FARP1: variants seen among roughly 807,000 people sequenced by gnomAD.
FARP1 encodes the protein FERM, ARHGEF and pleckstrin domain-containing protein 1.
A neutral mutation model predicts 128.8 loss-of-function variants in FARP1; 52 were observed. The observed-to-expected ratio is 0.40, with a 90% CI of 0.32 to 0.51. The LOEUF (loss-of-function observed/expected upper bound fraction) is 0.51, where lower values mean the gene tolerates loss of function less well. Ranked by LOEUF, FARP1 falls within the 20% of genes least tolerant of loss-of-function variation. The probability of loss-of-function intolerance (pLI) is 0.45; values close to 1 mark genes in which losing one functional copy is unlikely to be tolerated. For synonymous variants in FARP1, 580 were observed against 551.8 expected (o/e 1.05, Z -0.72); for missense variants, 1,333 against 1,367.9 (o/e 0.97, Z 0.40).
intron 12 of FARP1, 100 bp downstream of exon 12, chr13:98,393,818 C>T: frequency 1.1e-6 from 1 of 875,034 alleles, no homozygotes. Context: ...CTGTCCTTTC[C>T]TTTGGGGTTT....
At chr13:98,257,980 A>G (rs1883689654) in intron 2 of FARP1, among the ~76,000 whole-genome samples, 1 of 151,990 alleles carries the variant, frequency 6.6e-6, no homozygotes. Context: ...TGATATATAT[A>G]ATTTTTTTTT....
At chr13:98,325,774 T>C (rs765792810) in intron 2 of FARP1, among the ~76,000 whole-genome samples, 1 of 152,242 alleles carries the variant, frequency 6.6e-6, no homozygotes, top group Non-Finnish European at 1.5e-5. Flanking sequence ...AAGAAAGTCT[T>C]TGTGGCTGAG....
At chr13:98,362,199 G>A (rs1237311443) in intron 3 of FARP1, among the ~76,000 whole-genome samples, 1 of 152,204 alleles carries the variant, frequency 6.6e-6, no homozygotes, top group Non-Finnish European at 1.5e-5. Flanking sequence ...GGGAAGTTGA[G>A]GCTGCGCCAC....
intron 2 of FARP1, among the ~76,000 whole-genome samples, chr13:98,252,818 C>T (rs371478007): frequency 1.3e-5 from 2 of 152,270 alleles, no homozygotes; most frequent in East Asian, 3.9e-4. Flanking sequence ...TTCAAGTCAG[C>T]GACCCAGTGA....
chr13:98,452,616 ACT>A lies in FARP1; in HGVS notation c.*4301_*4302del, dbSNP rs1229243547. 1 of 152,674 alleles carries A rather than the reference ACT, an allele frequency of 6.5e-6. No individual in the cohort carries two copies. The highest frequency in any genetic ancestry group is 1.5e-5 in the Non-Finnish European group (1 of 68,110). The allele number at this position is 152,674 out of a possible 1,614,324, so 9.5% of individuals were successfully genotyped here. On this transcript the variant is annotated 3_prime_UTR_variant, in exon 27 of 27. Coordinates refer to ENST00000319562, the MANE Select transcript of FARP1 (RefSeq NM_005766.4). ...ACATGTAATAAAGGCAAGGCAATAGACTCAAGTTATGGCCTGTCGAATATTTA... is the reference window on the plus strand; with the variant it reads ...ACATGTAATAAAGGCAAGGCAATAGACAAGTTATGGCCTGTCGAATATTTA...
At chr13:98,312,709 T>C (rs1252652095) in intron 2 of FARP1, among the ~76,000 whole-genome samples, 3 of 151,954 alleles carry the variant, frequency 2.0e-5, no homozygotes, top group African/African-American at 7.3e-5. Context: ...TAAGAAAAAA[T>C]TTGAAGCATC....
chr13:98,358,165 T>G (rs1172600517), intron 3 of FARP1, among the ~76,000 whole-genome samples: 5 of 151,422 alleles, frequency 3.3e-5, no homozygotes, highest in African/African-American at 1.2e-4. Flanking sequence ...ATCTCTCTAC[T>G]CCCTGGTACT....
intron 2 of FARP1, among the ~76,000 whole-genome samples, chr13:98,336,290 C>T (rs1467626513): frequency 6.6e-6 from 1 of 152,004 alleles, no homozygotes; most frequent in African/African-American, 2.4e-5. Context: ...CTTACTCTGT[C>T]GCCCGGGCTG....
chr13:98,422,123 C>T (rs1362053179), intron 16 of FARP1, among the ~76,000 whole-genome samples: 1 of 152,164 alleles, frequency 6.6e-6, no homozygotes, highest in Admixed American at 6.5e-5. Flanking sequence ...ACACAGATAG[C>T]TTGGGAGCAG....
At chr13:98,166,487 G>A (rs1339895342) in intron 1 of FARP1, among the ~76,000 whole-genome samples, 1 of 152,160 alleles carries the variant, frequency 6.6e-6, no homozygotes, top group East Asian at 1.9e-4. Flanking sequence ...ACCTGTAGGG[G>A]AGAGGTATTA....
At chr13:98,225,698 C>T (rs1881717961) in intron 2 of FARP1, among the ~76,000 whole-genome samples, 1 of 152,214 alleles carries the variant, frequency 6.6e-6, no homozygotes. Flanking sequence ...AAGACACTGC[C>T]AACAGCCCTC....
intron 4 of FARP1, among the ~76,000 whole-genome samples, chr13:98,366,843 A>G (rs1889107020): frequency 1.3e-5 from 2 of 151,810 alleles, no homozygotes; most frequent in African/African-American, 4.8e-5. Context: ...TTTTCTCCCA[A>G]TTTTGTACAT....
At chr13:98,250,754 T>C (rs182892654) in intron 2 of FARP1, among the ~76,000 whole-genome samples, 13 of 151,950 alleles carry the variant, frequency 8.6e-5, no homozygotes, top group African/African-American at 2.2e-4. Flanking sequence ...GAAAAAAATA[T>C]ATAACACTAC....
chr13:98,270,398 A>G (rs868027894), intron 2 of FARP1, among the ~76,000 whole-genome samples: 2 of 152,200 alleles, frequency 1.3e-5, no homozygotes, highest in Non-Finnish European at 2.9e-5. Context: ...AATTCTTTAT[A>G]TGAACATGTA....
At chr13:98,431,008 C>A (rs752734520) in intron 17 of FARP1, 35 bp from the exon 18 acceptor site, 1 of 1,448,652 alleles carries the variant, frequency 6.9e-7, no homozygotes, top group Non-Finnish European at 9.6e-7. Context: ...TCCCATTCAG[C>A]TGAACAGGAC....
intron 3 of FARP1, among the ~76,000 whole-genome samples, chr13:98,363,010 G>T (rs1022729839): frequency 4.6e-5 from 7 of 152,218 alleles, no homozygotes; most frequent in African/African-American, 1.7e-4. Context: ...GTCTTGCCTG[G>T]ACAATTGCCA....
chr13:98,293,567 A>C (rs1478118345), intron 2 of FARP1, among the ~76,000 whole-genome samples: 1 of 152,248 alleles, frequency 6.6e-6, no homozygotes, highest in African/African-American at 2.4e-5. Context: ...GTTTGGAAGC[A>C]GGCTGCAAAT....
chr13:98,351,610 TAAAAAAAAA>T (rs67814587), intron 3 of FARP1, among the ~76,000 whole-genome samples: 1 of 124,652 alleles, frequency 8.0e-6, no homozygotes, highest in African/African-American at 3.1e-5. Flanking sequence ...AGACTCCATC[TAAAAAAAAA>T]AAAAAAAGAA....
At chr13:98,387,644 T>C (rs1890147365) in intron 8 of FARP1, among the ~76,000 whole-genome samples, 1 of 152,170 alleles carries the variant, frequency 6.6e-6, no homozygotes. Context: ...CTCCCCGTTG[T>C]TTCTCCACCT....
Sources: allele counts gnomAD v4.1 joint callset (sites outside exome capture counted in the v4.1 genomes callset), GRCh38; gene constraint gnomAD v4.1.1; transcripts MANE v1.5; gene names NCBI Gene and HGNC (gene_info 2026-07-23, HGNC 2026-07-21).